NVL: variants seen among roughly 807,000 people sequenced by gnomAD.
NVL encodes the protein nuclear VCP like, also known as nuclear valosin-containing protein-like.
In NVL, 84 loss-of-function variants were observed where a neutral mutation model predicts 110.2. That is an observed-to-expected ratio of 0.76 (90% CI 0.64 to 0.91). The LOEUF (loss-of-function observed/expected upper bound fraction) is 0.91. Among genes scored for constraint, NVL ranks in the 40% least tolerant of loss-of-function variants. The probability of loss-of-function intolerance (pLI) is 0.00; values close to 1 mark genes in which losing one functional copy is unlikely to be tolerated. For synonymous variants in NVL, 354 were observed against 361.1 expected (o/e 0.98, Z 0.22); for missense variants, 882 against 1,035.9 (o/e 0.85, Z 2.04).
chr1:224,318,686 A>G (rs1028254174), intron 2 of NVL, among the ~76,000 whole-genome samples: 1 of 151,580 alleles, frequency 6.6e-6, no homozygotes, highest in African/African-American at 2.4e-5. Flanking sequence ...GTATCTCTTT[A>G]AAAAAGAATA....
rs999226440 is a variant in NVL at position 224,316,966 on chromosome 1, C to T, written c.284+728G>A. On this transcript the variant is annotated intron_variant, in intron 4 of 22. Coordinates refer to ENST00000281701, the MANE Select transcript of NVL (RefSeq NM_002533.4). ...CAGCCTGGCCAACATGGTGAAACCC[C>T]GTCTCTACCAAAAATATAAAAAATT... 2.6e-5 allele frequency among the ~76,000 whole-genome samples: 4 copies of T among 151,792 alleles called. No individual in the cohort carries two copies. In the East Asian group the frequency reaches 5.8e-4, roughly 22 times the overall value.
intron 9 of NVL, chr1:224,301,798 C>CAAAAAAAAAAAAAAAAAAAA (rs61084002): frequency 1.3e-5 from 1 of 75,896 alleles, no homozygotes; most frequent in Non-Finnish European, 2.7e-5. Flanking sequence ...AAATCTGTTT[C>CAAAAAAAAAAAAAAAAAAAA]AAAAAAAAAA....
chr1:224,294,122 G>T (rs925055597), intron 12 of NVL, 145 bp downstream of exon 12: 1 of 873,326 alleles, frequency 1.1e-6, no homozygotes, highest in Non-Finnish European at 1.7e-6. Context: ...CTTAATGTGG[G>T]CTTCTCCTTT....
intron 20 of NVL, 148 bp from the exon 21 acceptor site, chr1:224,233,437 C>A (rs1326087053): frequency 7.0e-6 from 4 of 574,136 alleles, no homozygotes; most frequent in Non-Finnish European, 1.2e-5. Flanking sequence ...GATTATCAAT[C>A]AATAGAAAAG....
At chr1:224,259,457 C>T (rs535080476) in intron 18 of NVL, among the ~76,000 whole-genome samples, 16 of 152,184 alleles carry the variant, frequency 1.1e-4, no homozygotes, top group African/African-American at 3.6e-4. Context: ...TACTCAAAAC[C>T]ATTGAATGAT....
At chr1:224,326,588 C>A in intron 1 of NVL, 124 bp from the exon 2 acceptor site, 5 of 576,820 alleles carry the variant, frequency 8.7e-6, no homozygotes, top group South Asian at 5.4e-5. Flanking sequence ...TAAAGTGTAC[C>A]AGAAACATAA....
At chr1:224,309,447 A>G (rs1279516104) in intron 5 of NVL, among the ~76,000 whole-genome samples, 4 of 152,028 alleles carry the variant, frequency 2.6e-5, no homozygotes, top group African/African-American at 9.7e-5. Context: ...TGAGCCCAAG[A>G]GTTTGAGGTT....
At chr1:224,310,774 A>G (rs1669438894) in intron 5 of NVL, among the ~76,000 whole-genome samples, 2 of 150,090 alleles carry the variant, frequency 1.3e-5, no homozygotes, top group African/African-American at 2.5e-5. Context: ...TCTGTCGCCC[A>G]GGCTGAAGTG....
chr1:224,241,136 C>A (rs1288496988), intron 19 of NVL, among the ~76,000 whole-genome samples: 1 of 152,104 alleles, frequency 6.6e-6, no homozygotes, highest in Admixed American at 6.6e-5. Flanking sequence ...CCTAGGATAC[C>A]TCCAAAAGTT....
At chr1:224,278,226 CTTTTTTTTTTTTT>C (rs931102981) in intron 16 of NVL, among the ~76,000 whole-genome samples, 5 of 111,132 alleles carry the variant, frequency 4.5e-5, no homozygotes, top group Admixed American at 1.0e-4. Flanking sequence ...ATCATCTAAT[CTTTTTTTTTTTTT>C]TTTTTTTTTT....
At chr1:224,270,346 C>T (rs1664958204) in intron 17 of NVL, among the ~76,000 whole-genome samples, 1 of 152,106 alleles carries the variant, frequency 6.6e-6, no homozygotes, top group African/African-American at 2.4e-5. Context: ...CACCTGAGGT[C>T]AGGAGTGCAA....
At chr1:224,257,369 A>G (rs1663399518) in intron 18 of NVL, among the ~76,000 whole-genome samples, 1 of 152,180 alleles carries the variant, frequency 6.6e-6, no homozygotes, top group Non-Finnish European at 1.5e-5. Context: ...TAAAATTGAG[A>G]GGTAACAGTA....
intron 22 of NVL, 63 bp from the exon 23 acceptor site, chr1:224,227,733 C>T (rs1241890755): frequency 2.6e-6 from 4 of 1,522,170 alleles, no homozygotes; most frequent in African/African-American, 2.7e-5. Flanking sequence ...TGAATGGTGC[C>T]CCCCAAAATT....
chr1:224,287,648 G>A, intron 14 of NVL, 127 bp downstream of exon 14: 1 of 664,910 alleles, frequency 1.5e-6, no homozygotes, highest in South Asian at 2.1e-5. Flanking sequence ...CTACATTCAA[G>A]TCAAGTTAGA....
At chr1:224,248,508 T>C (rs543417060) in intron 19 of NVL, among the ~76,000 whole-genome samples, 43 of 152,308 alleles carry the variant, frequency 2.8e-4, no homozygotes, top group African/African-American at 1.0e-3. Context: ...TTTAGGAACA[T>C]TGCTAAAGGC....
chr1:224,302,676 G>A (rs1410817822), intron 9 of NVL, among the ~76,000 whole-genome samples: 1 of 152,140 alleles, frequency 6.6e-6, no homozygotes, highest in African/African-American at 2.4e-5. Context: ...ATAAGAACAT[G>A]ACTCTAAATA....
chr1:224,304,893 C>A, intron 7 of NVL, 81 bp from the exon 8 acceptor site: 2 of 1,490,616 alleles, frequency 1.3e-6, no homozygotes, highest in Non-Finnish European at 1.9e-6. Context: ...TTTAAGTAAA[C>A]AAAGGTCCAT....
Position 224,249,352 on chromosome 1 carries a change from T to G in NVL, c.2289+860A>C, listed in dbSNP as rs538586918. Among the ~76,000 whole-genome samples, 5 of 152,270 alleles carry G rather than the reference T, an allele frequency of 3.3e-5. No individual in the cohort carries two copies. In the South Asian group the frequency reaches 1.0e-3, roughly 32 times the overall value. On this transcript the variant is annotated intron_variant, in intron 19 of 22. Transcript: ENST00000281701. ...GTTTCCCAGGCTGATCTTGAACTCC[T>G]GAGGTCAAAGCAATCCACCTGCCTT... is the stretch of plus-strand genomic sequence containing the variant.
At position 224,243,825 on chromosome 1, in the gene NVL, C is replaced by A. The variant is rs749521949; in HGVS notation, c.2289+6387G>T. Among the ~76,000 whole-genome samples the A allele has an allele frequency of 5.9e-4, 90 of 151,672 alleles. 1 individual carries two copies. Among genetic ancestry groups the A allele is most frequent in the Non-Finnish European group, 7.8e-4 (53 of 67,958 alleles). On this transcript the variant is annotated intron_variant, in intron 19 of 22. Transcript: ENST00000281701. ...TACAGGCACCGGCCACCACACCCAGCTAATTTTTGTATTTTTAGTAGAGAC... is the reference window on the plus strand; with the variant it reads ...TACAGGCACCGGCCACCACACCCAGATAATTTTTGTATTTTTAGTAGAGAC...
Sources: allele counts gnomAD v4.1 joint callset (sites outside exome capture counted in the v4.1 genomes callset), GRCh38; gene constraint gnomAD v4.1.1; transcripts MANE v1.5; gene names NCBI Gene and HGNC (gene_info 2026-07-23, HGNC 2026-07-21).